The following COG5 variants were observed in gnomAD, a reference collection of about 807,000 sequenced individuals.
COG5 encodes the protein conserved oligomeric Golgi complex subunit 5.
COG5 carries 86 observed loss-of-function variants against 110.4 expected under a neutral mutation model. The observed-to-expected ratio is 0.78, with a 90% CI of 0.65 to 0.93. The LOEUF (loss-of-function observed/expected upper bound fraction) is 0.93. Among genes scored for constraint, COG5 ranks in the 40% least tolerant of loss-of-function variants. COG5 has a pLI of 0.00. For missense variants in COG5, 1,077 were observed against 987.0 expected, an observed-to-expected ratio of 1.09 and a Z score of -1.22; for synonymous variants, 360 against 334.6, an observed-to-expected ratio of 1.08 and a Z score of -0.83.
At chr7:107,552,511 A>G (rs1210820064) in intron 3 of COG5, among the ~76,000 whole-genome samples, 1 of 152,120 alleles carries the variant, frequency 6.6e-6, no homozygotes, top group East Asian at 1.9e-4. Flanking sequence ...TGCAGGCAAC[A>G]CACATGAAAA....
chr7:107,271,061 C>A (rs370902140), intron 14 of COG5, among the ~76,000 whole-genome samples: 1 of 151,704 alleles, frequency 6.6e-6, no homozygotes, highest in Non-Finnish European at 1.5e-5. Context: ...TAGAGCAAAT[C>A]GCTCTGCATT....
At chr7:107,273,885 A>G (rs1462020786) in intron 14 of COG5, among the ~76,000 whole-genome samples, 1 of 152,192 alleles carries the variant, frequency 6.6e-6, no homozygotes, top group Non-Finnish European at 1.5e-5. Flanking sequence ...TGCCTGTGGT[A>G]ATGAAAAGAG....
chr7:107,491,536 C>G (rs1242104603), intron 6 of COG5, among the ~76,000 whole-genome samples: 1 of 152,104 alleles, frequency 6.6e-6, no homozygotes, highest in African/African-American at 2.4e-5. Flanking sequence ...TATTACTTCT[C>G]CCAGGAAAAA....
At chr7:107,287,244 G>A (rs941734959) in intron 12 of COG5, among the ~76,000 whole-genome samples, 5 of 152,282 alleles carry the variant, frequency 3.3e-5, no homozygotes, top group Non-Finnish European at 7.3e-5. Context: ...TTAGGCCCTT[G>A]CAGTTTGGAT....
intron 18 of COG5, among the ~76,000 whole-genome samples, chr7:107,233,475 T>G (rs534909831): frequency 6.6e-6 from 1 of 152,196 alleles, no homozygotes; most frequent in Non-Finnish European, 1.5e-5. Flanking sequence ...TACTTTCTCT[T>G]TCCTGCACTG....
chr7:107,434,289 C>A (rs1406731668), intron 6 of COG5, among the ~76,000 whole-genome samples: 1 of 152,090 alleles, frequency 6.6e-6, no homozygotes, highest in Non-Finnish European at 1.5e-5. Flanking sequence ...AAATTAGAAT[C>A]ACCATATGAT....
rs758678122 is a variant in COG5 at position 107,230,706 on chromosome 7, T to C, written c.2092-15A>G. ...GCCAACTCCATCTGAAATATTAAAATATACTCCATTGTTGTAATGTCAGAA... is the reference window on the plus strand; with the variant it reads ...GCCAACTCCATCTGAAATATTAAAACATACTCCATTGTTGTAATGTCAGAA... On this transcript the variant is annotated splice_polypyrimidine_tract_variant and intron_variant, in intron 18 of 21. Coordinates refer to ENST00000297135, the MANE Select transcript of COG5 (RefSeq NM_006348.5). 3 of 1,566,852 alleles carry C rather than the reference T, an allele frequency of 1.9e-6. No individual in the cohort carries two copies. Among genetic ancestry groups the C allele is most frequent in the Non-Finnish European group, 2.6e-6 (3 of 1,137,298 alleles).
intron 17 of COG5, 139 bp downstream of exon 17, chr7:107,248,257 A>T (rs1802199424): frequency 1.5e-6 from 1 of 681,904 alleles, no homozygotes; most frequent in Non-Finnish European, 2.6e-6. Context: ...ATGGGTAATG[A>T]AGAGGGCTGA....
Position 107,508,643 on chromosome 7 carries a change from C to T in COG5, c.538+18594G>A, listed in dbSNP as rs1294535296. Reference sequence around the variant, plus strand: ...GGAGGCACCCCCCAGTAGGGGCACACTGACACCTTACACGGCCGGGTACTC... The same window carrying T: ...GGAGGCACCCCCCAGTAGGGGCACATTGACACCTTACACGGCCGGGTACTC... On this transcript the variant is annotated intron_variant, in intron 6 of 21. Coordinates refer to ENST00000297135, the MANE Select transcript of COG5 (RefSeq NM_006348.5). 3.3e-5 allele frequency among the ~76,000 whole-genome samples: 5 copies of T among 152,224 alleles called. No individual in the cohort carries two copies. The South Asian group carries it at 8.3e-4, about 25-fold the overall frequency.
At chr7:107,490,607 G>A (rs1386741990) in intron 6 of COG5, among the ~76,000 whole-genome samples, 1 of 152,090 alleles carries the variant, frequency 6.6e-6, no homozygotes, top group Non-Finnish European at 1.5e-5. Context: ...AAGAAAACAG[G>A]AGGAAAGCAA....
At chr7:107,249,690 T>TTGTGTGTGTGTG (rs57572752) in intron 16 of COG5, among the ~76,000 whole-genome samples, 8 of 131,756 alleles carry the variant, frequency 6.1e-5, no homozygotes, top group Admixed American at 1.5e-4. Flanking sequence ...ACGTACAGGA[T>TTGTGTGTGTGTG]TGTGTGTGTG....
chr7:107,509,508 G>C (rs1304736516), intron 6 of COG5, among the ~76,000 whole-genome samples: 1 of 152,174 alleles, frequency 6.6e-6, no homozygotes, highest in East Asian at 1.9e-4. Context: ...CCCCAATCTA[G>C]CAAGGCAGGC....
At chr7:107,368,645 A>G (rs946081455) in intron 8 of COG5, among the ~76,000 whole-genome samples, 1 of 152,204 alleles carries the variant, frequency 6.6e-6, no homozygotes, top group Non-Finnish European at 1.5e-5. Context: ...ACCCTTCTAT[A>G]ACATATAATG....
intron 6 of COG5, among the ~76,000 whole-genome samples, chr7:107,437,958 A>G (rs1794466370): frequency 6.6e-6 from 1 of 152,126 alleles, no homozygotes; most frequent in South Asian, 2.1e-4. Context: ...GGCCAATTAG[A>G]TATATGTTCC....
rs563345515 is a variant in COG5 at position 107,479,543 on chromosome 7, ATAT to A, written c.538+47691_538+47693del. ...GACAGGCAACGTGAAGGCAGAGTCA[ATAT>A]TTACTAACTAGCTAGGAAAGAAAAC... is the stretch of plus-strand genomic sequence containing the variant. On this transcript the variant is annotated intron_variant, in intron 6 of 21. Transcript: ENST00000297135. 6.2e-3 allele frequency among the ~76,000 whole-genome samples: 945 copies of A among 152,246 alleles called. 5 individuals are homozygous for A. Among genetic ancestry groups the A allele is most frequent in the South Asian group, 0.016 (75 of 4,828 alleles).
At chr7:107,223,976 T>G (rs950331410) in intron 19 of COG5, among the ~76,000 whole-genome samples, 2 of 152,236 alleles carry the variant, frequency 1.3e-5, no homozygotes, top group African/African-American at 4.8e-5. Context: ...AAACTAAATA[T>G]TCAACTCTTC....
At chr7:107,503,430 T>A in intron 6 of COG5, among the ~76,000 whole-genome samples, 1 of 152,154 alleles carries the variant, frequency 6.6e-6, no homozygotes, top group East Asian at 1.9e-4. Flanking sequence ...AAGAGTCCAG[T>A]AATATGATGC....
At chr7:107,210,633 A>AG in intron 20 of COG5, 28 bp from the exon 21 acceptor site, 1 of 1,576,352 alleles carries the variant, frequency 6.3e-7, no homozygotes, top group Non-Finnish European at 8.6e-7. Context: ...AATTAGAGAG[A>AG]GTGCATACGC....
intron 11 of COG5, among the ~76,000 whole-genome samples, chr7:107,316,628 A>G (rs13245171): frequency 6.8e-6 from 1 of 147,892 alleles, no homozygotes; most frequent in African/African-American, 2.5e-5. Flanking sequence ...TCTGGCTAAC[A>G]CAGTGAAACT....
Sources: allele counts gnomAD v4.1 joint callset (sites outside exome capture counted in the v4.1 genomes callset), GRCh38; gene constraint gnomAD v4.1.1; transcripts MANE v1.5; gene names NCBI Gene and HGNC (gene_info 2026-07-23, HGNC 2026-07-21).